The following SNTG2 variants were observed in gnomAD, a reference collection of about 807,000 sequenced individuals.
SNTG2 encodes the protein gamma-2-syntrophin.
SNTG2 carries 74 observed loss-of-function variants against 70.9 expected under a neutral mutation model. That is an observed-to-expected ratio of 1.04 (90% CI 0.86 to 1.27). The LOEUF (loss-of-function observed/expected upper bound fraction) is 1.27. Ranked by LOEUF, SNTG2 falls within the 50% of genes most tolerant of loss-of-function variation. SNTG2 has a pLI of 0.00. For synonymous variants in SNTG2, 278 were observed against 273.8 expected, an observed-to-expected ratio of 1.02 and a Z score of -0.15; for missense variants, 717 against 690.7, an observed-to-expected ratio of 1.04 and a Z score of -0.43.
rs371256067 is a variant in SNTG2, at chr2:1,142,354, C to A, written c.411+4545C>A. ...AAGGTTCAGTGCTGCTGCCTGGGCT[C>A]TGCCATCCCGTCCAGGGTCCACCAT... On this transcript the variant is annotated intron_variant, in intron 6 of 16. Coordinates refer to ENST00000308624, the MANE Select transcript of SNTG2 (RefSeq NM_018968.4). Among the ~76,000 whole-genome samples the A allele has an allele frequency of 3.9e-5, 6 of 152,216 alleles. No individual in the cohort carries two copies. The South Asian group carries it at 8.3e-4, about 21-fold the overall frequency.
intron 1 of SNTG2, among the ~76,000 whole-genome samples, chr2:1,046,572 A>G (rs1661749104): frequency 6.6e-6 from 1 of 152,048 alleles, no homozygotes; most frequent in African/African-American, 2.4e-5. Flanking sequence ...TTCCCTTGGC[A>G]TTTGCTTTTC....
At chr2:1,180,809 G>T (rs995989635) in intron 8 of SNTG2, among the ~76,000 whole-genome samples, 1 of 151,894 alleles carries the variant, frequency 6.6e-6, no homozygotes, top group South Asian at 2.1e-4. Flanking sequence ...CGAAGACTTG[G>T]AACCAACCCA....
chr2:1,100,949 A>G (rs978927290), intron 4 of SNTG2, among the ~76,000 whole-genome samples: 2 of 127,374 alleles, frequency 1.6e-5, no homozygotes, highest in African/African-American at 5.0e-5. Flanking sequence ...CTGGGGTTGT[A>G]GCCCGTGTGC....
chr2:1,168,019 G>A (rs201899318), intron 7 of SNTG2, among the ~76,000 whole-genome samples: 1 of 76,482 alleles, frequency 1.3e-5, no homozygotes, highest in Non-Finnish European at 2.5e-5. Flanking sequence ...CTGAAGCCTA[G>A]AAGCCGCCCA....
At chr2:1,356,805 G>GT (rs966837678) in intron 16 of SNTG2, among the ~76,000 whole-genome samples, 10 of 151,812 alleles carry the variant, frequency 6.6e-5, no homozygotes, top group East Asian at 1.9e-4. Flanking sequence ...CATTAACGTG[G>GT]TTTTTTTTAT....
chr2:1,307,059 CTG>C (rs893538161), intron 14 of SNTG2, among the ~76,000 whole-genome samples: 1 of 142,426 alleles, frequency 7.0e-6, no homozygotes, highest in African/African-American at 2.6e-5. Flanking sequence ...GAGCCATGGA[CTG>C]TGTGTGTGGG....
At chr2:1,106,717 C>T (rs1438217706) in intron 4 of SNTG2, among the ~76,000 whole-genome samples, 1 of 123,270 alleles carries the variant, frequency 8.1e-6, no homozygotes. Context: ...CACTCGGGTG[C>T]AGGGTGTGGA....
intron 4 of SNTG2, among the ~76,000 whole-genome samples, chr2:1,132,229 ATGTGTGTG>A (rs1370596111): frequency 8.7e-6 from 1 of 115,408 alleles, no homozygotes; most frequent in African/African-American, 2.6e-5. Context: ...ATGTGTATAT[ATGTGTGTG>A]TATATATATA....
intron 1 of SNTG2, among the ~76,000 whole-genome samples, chr2:988,985 A>G (rs1661414872): frequency 6.6e-6 from 1 of 152,164 alleles, no homozygotes; most frequent in East Asian, 1.9e-4. Context: ...AAATGTTCAT[A>G]TACTTTATTT....
At chr2:1,144,164 C>T (rs776361779) in intron 6 of SNTG2, among the ~76,000 whole-genome samples, 21 of 152,048 alleles carry the variant, frequency 1.4e-4, no homozygotes, top group Non-Finnish European at 2.8e-4. Context: ...ACTCTCACCC[C>T]GAGACATATG....
intron 6 of SNTG2, among the ~76,000 whole-genome samples, chr2:1,152,375 A>C (rs1226541559): frequency 6.6e-6 from 1 of 152,246 alleles, no homozygotes; most frequent in Non-Finnish European, 1.5e-5. Flanking sequence ...ACATGCATGT[A>C]CGTGTGAGGC....
chr2:1,167,397 C>T (rs1670795744), intron 7 of SNTG2, among the ~76,000 whole-genome samples: 1 of 148,206 alleles, frequency 6.7e-6, no homozygotes, highest in Non-Finnish European at 1.5e-5. Context: ...ACCTACAGGC[C>T]GCCCACAGAC....
At chr2:1,007,439 G>A (rs895172515) in intron 1 of SNTG2, among the ~76,000 whole-genome samples, 1 of 152,168 alleles carries the variant, frequency 6.6e-6, no homozygotes, top group African/African-American at 2.4e-5. Flanking sequence ...AGGATGTTGG[G>A]CAGGAAACAA....
At chr2:951,355 A>G (rs1376309864) in intron 1 of SNTG2, among the ~76,000 whole-genome samples, 5 of 152,112 alleles carry the variant, frequency 3.3e-5, no homozygotes, top group Non-Finnish European at 1.5e-5. Context: ...GCTTCCCTTT[A>G]CTGCGTGGGA....
chr2:1,319,602 C>T lies in SNTG2; in HGVS notation c.1488+3227C>T, dbSNP rs569759634. On this transcript the variant is annotated intron_variant, in intron 16 of 16. Coordinates refer to ENST00000308624, the MANE Select transcript of SNTG2 (RefSeq NM_018968.4). ...GGGCCCTGGGCACGTCGCTTGGGCC[C>T]CTCAGCTCCCTGGGCTCTGTGCAGG... Among the ~76,000 whole-genome samples, 92 of 152,320 alleles carry T rather than the reference C, an allele frequency of 6.0e-4. 1 individual carries two copies. Among genetic ancestry groups the T allele is most frequent in the East Asian group, 1.5e-3 (8 of 5,180 alleles).
chr2:1,090,411 G>A lies in SNTG2; in HGVS notation c.210+6756G>A, dbSNP rs73170893. Among the ~76,000 whole-genome samples, 7 of 152,304 alleles carry A rather than the reference G, an allele frequency of 4.6e-5. No individual in the cohort carries two copies. The East Asian group carries it at 7.7e-4, about 17-fold the overall frequency. On this transcript the variant is annotated intron_variant, in intron 2 of 16. Coordinates refer to ENST00000308624, the MANE Select transcript of SNTG2 (RefSeq NM_018968.4). ...TGTTACCAGCTGTGAATCCACAACC[G>A]TCTGCAGCAAACTTGATTCTTGCTT... is the stretch of plus-strand genomic sequence containing the variant.
intron 4 of SNTG2, among the ~76,000 whole-genome samples, chr2:1,112,955 A>G (rs923208665): frequency 2.1e-5 from 3 of 143,726 alleles, no homozygotes; most frequent in African/African-American, 8.1e-5. Flanking sequence ...CTTACATTTC[A>G]TTGAGGAGGA....
chr2:1,316,223 G>A (rs1681271432), intron 15 of SNTG2, 42 bp from the exon 16 acceptor site: 1 of 950,884 alleles, frequency 1.1e-6, no homozygotes, highest in African/African-American at 1.6e-5. Context: ...AAATAAATGA[G>A]CTCTTGTTTA....
At chr2:1,020,425 C>T (rs146975321) in intron 1 of SNTG2, among the ~76,000 whole-genome samples, 70 of 152,320 alleles carry the variant, frequency 4.6e-4, no homozygotes, top group African/African-American at 1.5e-3. Flanking sequence ...CACGGTGGAG[C>T]CTCAGAGGGA....
Sources: gnomAD v4.1 joint callset for allele counts (sites outside exome capture counted in the v4.1 genomes callset) on GRCh38, gnomAD v4.1.1 for gene constraint, MANE v1.5 for transcripts, NCBI Gene and HGNC (gene_info 2026-07-23, HGNC 2026-07-21) for gene names.